The following NPSR1 variants were observed in gnomAD, a reference collection of about 807,000 sequenced individuals.
The protein encoded by NPSR1 is neuropeptide S receptor.
A neutral mutation model predicts 46.9 loss-of-function variants in NPSR1; 48 were observed. The observed-to-expected ratio is 1.02, with a 90% CI of 0.81 to 1.30. NPSR1 has a LOEUF of 1.30. Among genes scored for constraint, NPSR1 ranks in the 50% most tolerant of loss-of-function variants. The pLI is 0.00. For missense variants in NPSR1, 450 were observed against 449.5 expected (o/e 1.00, Z -0.01); for synonymous variants, 176 against 168.1 (o/e 1.05, Z -0.36).
At chr7:34,784,687 A>C (rs1307207223) in intron 3 of NPSR1, among the ~76,000 whole-genome samples, 1 of 152,128 alleles carries the variant, frequency 6.6e-6, no homozygotes, top group African/African-American at 2.4e-5. Context: ...TATCAGGATG[A>C]TGCTGGCCTC....
intron 8 of NPSR1, among the ~76,000 whole-genome samples, chr7:34,868,032 T>C (rs1459667268): frequency 6.6e-6 from 1 of 151,812 alleles, no homozygotes; most frequent in Non-Finnish European, 1.5e-5. Flanking sequence ...GGAAATCAAA[T>C]GAGAAGAATC....
intron 3 of NPSR1, among the ~76,000 whole-genome samples, chr7:34,792,521 A>ATT (rs1428710274): frequency 6.2e-5 from 9 of 145,452 alleles, no homozygotes; most frequent in African/African-American, 2.3e-4. Context: ...ACACACATAT[A>ATT]TATATATGTA....
At chr7:34,721,209 C>G (rs190194277) in intron 2 of NPSR1, among the ~76,000 whole-genome samples, 1 of 152,224 alleles carries the variant, frequency 6.6e-6, no homozygotes, top group African/African-American at 2.4e-5. Context: ...TGTTGCATAA[C>G]ACCCAATCCA....
At chr7:34,694,045 A>G (rs560282518) in intron 2 of NPSR1, among the ~76,000 whole-genome samples, 1 of 152,220 alleles carries the variant, frequency 6.6e-6, no homozygotes, top group Non-Finnish European at 1.5e-5. Flanking sequence ...CCAACATTAT[A>G]CTGAATGAGG....
At chr7:34,684,718 A>T in intron 2 of NPSR1, 34 bp downstream of exon 2, 1 of 1,567,236 alleles carries the variant, frequency 6.4e-7, no homozygotes, top group African/African-American at 1.4e-5. Context: ...GCAGGAAGCT[A>T]TATGTGAAGT....
At chr7:34,850,791 C>T (rs745606214), downstream of NPSR1, among the ~76,000 whole-genome samples, 1 of 152,124 alleles carries the variant, frequency 6.6e-6, no homozygotes, top group Admixed American at 6.5e-5. Context: ...CAAGTCTTCC[C>T]GTTTTTAAAT....
In NPSR1 at chr7:34,733,873, C is replaced by T. The variant is rs538537564; in HGVS notation, c.281-44589C>T. Among the ~76,000 whole-genome samples the T allele has an allele frequency of 2.6e-5, 4 of 152,146 alleles. No individual in the cohort carries two copies. In the East Asian group the frequency reaches 5.8e-4, roughly 22 times the overall value. On this transcript the variant is annotated intron_variant, in intron 2 of 8. Coordinates refer to ENST00000360581, the MANE Select transcript of NPSR1 (RefSeq NM_207172.2). ...CTTGAGATATTTCTCTTACGAATGC[C>T]GAGGACTACTTTGGTACTGCTATAG...
At chr7:34,798,405 C>T (rs748564430) in intron 3 of NPSR1, among the ~76,000 whole-genome samples, 9 of 152,064 alleles carry the variant, frequency 5.9e-5, no homozygotes, top group Non-Finnish European at 8.8e-5. Context: ...TGTGGTGGCA[C>T]GCACCTGTAA....
chr7:34,810,415 G>T (rs1246240891), intron 3 of NPSR1, among the ~76,000 whole-genome samples: 1 of 151,996 alleles, frequency 6.6e-6, no homozygotes, highest in Non-Finnish European at 1.5e-5. Context: ...TGCTAATTAT[G>T]CAAAAAAAGA....
chr7:34,796,431 C>T (rs1335877376), intron 3 of NPSR1, among the ~76,000 whole-genome samples: 2 of 152,010 alleles, frequency 1.3e-5, no homozygotes, highest in African/African-American at 2.4e-5. Context: ...AAAGGCATAC[C>T]TGATAAAAGA....
At position 34,844,916 on chromosome 7, in the gene NPSR1, T is replaced by G. The variant is rs1208739825; in HGVS notation, c.778T>G (p.Tyr260Asp). 4.3e-6 allele frequency: 7 copies of G among 1,610,840 alleles called. No homozygotes were observed. Among genetic ancestry groups the G allele is most frequent in the Non-Finnish European group, 5.1e-6 (6 of 1,177,134 alleles). ...NCSDGKLCSSYNRGLISKAKI... is the reference protein window; with the variant it reads ...NCSDGKLCSSDNRGLISKAKI... The stretch of plus-strand genomic sequence containing the variant: ...TACAGATGGGAAACTGTGCAGCAGC[T>G]ATAACCGAGGACTCATCTCAAAGGC... The change falls in exon 7 of 9, where the codon TAT becomes GAT. Residue 260 changes from tyrosine (Y) to aspartate (D), a missense_variant. Transcript: ENST00000360581.
chr7:34,811,904 C>A, intron 4 of NPSR1, 41 bp downstream of exon 4: 1 of 1,291,902 alleles, frequency 7.7e-7, no homozygotes, highest in South Asian at 1.2e-5. Flanking sequence ...AAAGAACTGT[C>A]CTTGAGTGAG....
intron 8 of NPSR1, among the ~76,000 whole-genome samples, chr7:34,864,239 G>A (rs747887971): frequency 6.6e-6 from 1 of 151,604 alleles, no homozygotes; most frequent in Non-Finnish European, 1.5e-5. Context: ...GAGGGCTAGG[G>A]GAGGGATAGC....
chr7:34,672,854 TA>T (rs1351204851), intron 1 of NPSR1, among the ~76,000 whole-genome samples: 1 of 152,196 alleles, frequency 6.6e-6, no homozygotes, highest in African/African-American at 2.4e-5. Flanking sequence ...CAGATTCTTC[TA>T]ACTCCGGACA....
chr7:34,742,505 T>C (rs1784994044), intron 2 of NPSR1, among the ~76,000 whole-genome samples: 1 of 152,242 alleles, frequency 6.6e-6, no homozygotes, highest in African/African-American at 2.4e-5. Flanking sequence ...GATCTCATTC[T>C]TTTTATGATT....
intron 2 of NPSR1, among the ~76,000 whole-genome samples, chr7:34,735,543 T>G (rs956321361): frequency 6.6e-5 from 10 of 152,210 alleles, no homozygotes; most frequent in Admixed American, 6.5e-5. Flanking sequence ...ATTAAGTGAT[T>G]AGTAGAATAT....
chr7:34,810,623 C>T (rs761464105), intron 3 of NPSR1, among the ~76,000 whole-genome samples: 41 of 152,174 alleles, frequency 2.7e-4, no homozygotes, highest in Non-Finnish European at 5.4e-4. Context: ...TCTCTTGACT[C>T]CCACTGATAA....
chr7:34,760,468 T>C (rs1025608129), intron 2 of NPSR1, among the ~76,000 whole-genome samples: 5 of 152,216 alleles, frequency 3.3e-5, no homozygotes, highest in African/African-American at 9.6e-5. Context: ...ATAGCACAGC[T>C]GTCATGTAGC....
chr7:34,833,003 T>C (rs556736997), intron 5 of NPSR1, among the ~76,000 whole-genome samples: 1 of 152,316 alleles, frequency 6.6e-6, no homozygotes, highest in African/African-American at 2.4e-5. Flanking sequence ...AGAATGGAGA[T>C]GCTCCAAAAA....
Sources: gnomAD v4.1 joint callset for allele counts (sites outside exome capture counted in the v4.1 genomes callset) on GRCh38, gnomAD v4.1.1 for gene constraint, MANE v1.5 for transcripts, NCBI Gene and HGNC (gene_info 2026-07-23, HGNC 2026-07-21) for gene names.